Variants in BRINP3 observed in about 807,000 individuals in gnomAD.
The protein encoded by BRINP3 is BMP/retinoic acid inducible neural specific 3, also known as BMP/retinoic acid-inducible neural-specific protein 3.
In BRINP3, 19 loss-of-function variants were observed where a neutral mutation model predicts 71.0. That is an observed-to-expected ratio of 0.27 (90% CI 0.19 to 0.39). The LOEUF is 0.39. BRINP3 is among the 10% of genes least tolerant of loss of function. The pLI is 1.00. For synonymous variants in BRINP3, 380 were observed against 337.7 expected (o/e 1.13, Z -1.37); for missense variants, 959 against 940.8 (o/e 1.02, Z -0.25).
At chr1:190,161,880 A>G (rs1250892045) in intron 6 of BRINP3, among the ~76,000 whole-genome samples, 1 of 152,186 alleles carries the variant, frequency 6.6e-6, no homozygotes, top group Non-Finnish European at 1.5e-5. Flanking sequence ...GAAATAAACC[A>G]GACACAAAAG....
chr1:190,472,881 T>C (rs1677230585), intron 1 of BRINP3, among the ~76,000 whole-genome samples: 1 of 151,516 alleles, frequency 6.6e-6, no homozygotes, highest in Non-Finnish European at 1.5e-5. Context: ...TTTATTTACT[T>C]AATTATAATG....
At chr1:190,289,516 A>C (rs553842195) in intron 2 of BRINP3, among the ~76,000 whole-genome samples, 6 of 152,026 alleles carry the variant, frequency 3.9e-5, no homozygotes, top group South Asian at 2.1e-4. Flanking sequence ...ACAAGGTATA[A>C]ATTTTTTATT....
intron 2 of BRINP3, among the ~76,000 whole-genome samples, chr1:190,428,917 G>C (rs1432520129): frequency 1.3e-5 from 2 of 152,030 alleles, no homozygotes; most frequent in Non-Finnish European, 2.9e-5. Context: ...ATACATGTTT[G>C]TTAAAATCAA....
In BRINP3 at chr1:190,372,686, C is replaced by T. The variant is rs200165681; in HGVS notation, c.236+81969G>A. Among the ~76,000 whole-genome samples, 5 of 152,134 alleles carry T rather than the reference C, an allele frequency of 3.3e-5. No homozygotes were observed. In the East Asian group the frequency reaches 9.6e-4, roughly 29 times the overall value. ...TACCATATTACCTTGTCATAATTCC[C>T]CTCTCTTCTAATCGTTTCTAAGGCA... On this transcript the variant is annotated intron_variant, in intron 2 of 7. Transcript: ENST00000367462.
At position 190,097,930 on chromosome 1, in the gene BRINP3, T is replaced by C. The variant is rs1226523854; in HGVS notation, c.*88A>G. ...TATAAGACAGATATTGAAAAGACAA[T>C]TTAAATTTACTCTTCCAAACATAAA... is the stretch of plus-strand genomic sequence containing the variant. On this transcript the variant is annotated 3_prime_UTR_variant, in exon 8 of 8. Coordinates refer to ENST00000367462, the MANE Select transcript of BRINP3 (RefSeq NM_199051.3). The C allele has an allele frequency of 2.2e-6, 3 of 1,383,714 alleles. No homozygotes were observed. The highest frequency in any genetic ancestry group is 2.9e-6 in the Non-Finnish European group (3 of 1,021,830). 85.7% of individuals were successfully genotyped at this position (1,383,714 alleles called of 1,614,324 possible).
chr1:190,398,076 CAT>C (rs951434774), intron 2 of BRINP3, among the ~76,000 whole-genome samples: 2 of 151,880 alleles, frequency 1.3e-5, no homozygotes, highest in African/African-American at 2.4e-5. Flanking sequence ...TTAAAAATAA[CAT>C]ATAAAAGCAC....
In BRINP3 at chr1:190,454,725, G is replaced by C. The variant is rs1354388065; in HGVS notation, c.166C>G (p.Arg56Gly). Reference sequence around the variant, plus strand: ...ACAAAATCTGTGTATTCCTGTGAGCGATGGAAGGGTCCCTTATCAGAGAGG... The same window carrying C: ...ACAAAATCTGTGTATTCCTGTGAGCCATGGAAGGGTCCCTTATCAGAGAGG... ...WLLSDKGPFH[R>G]SQEYTDFVDR... The change falls in exon 2 of 8, where the codon CGC becomes GGC. Residue 56 changes from arginine (R) to glycine (G), a missense_variant. Arg to Gly is a moderately radical substitution (Grantham distance 125). Coordinates refer to ENST00000367462, the MANE Select transcript of BRINP3 (RefSeq NM_199051.3). 1 of 1,614,132 alleles carries C rather than the reference G, an allele frequency of 6.2e-7. No homozygotes were observed. Among genetic ancestry groups the C allele is most frequent in the Non-Finnish European group, 8.5e-7 (1 of 1,180,042 alleles).
At chr1:190,100,176 T>C (rs540361727) in intron 7 of BRINP3, among the ~76,000 whole-genome samples, 31 of 152,320 alleles carry the variant, frequency 2.0e-4, no homozygotes, top group African/African-American at 7.0e-4. Context: ...CTTAGAATAT[T>C]GCAAAGTGTC....
chr1:190,183,020 T>C (rs1653164131), intron 6 of BRINP3, among the ~76,000 whole-genome samples: 1 of 152,094 alleles, frequency 6.6e-6, no homozygotes. Flanking sequence ...CTCCTTAAGT[T>C]GCAGTTGGTG....
intron 4 of BRINP3, among the ~76,000 whole-genome samples, chr1:190,237,205 T>A (rs1658608296): frequency 6.6e-6 from 1 of 151,820 alleles, no homozygotes; most frequent in Non-Finnish European, 1.5e-5. Context: ...TATAATTTTA[T>A]TTTGTTCTCT....
chr1:190,150,402 G>A (rs1324234198), intron 7 of BRINP3, among the ~76,000 whole-genome samples: 1 of 152,088 alleles, frequency 6.6e-6, no homozygotes, highest in Admixed American at 6.6e-5. Flanking sequence ...ACATAGTATT[G>A]AGATTAGAGA....
chr1:190,224,725 C>T (rs1657185112), intron 6 of BRINP3, among the ~76,000 whole-genome samples: 1 of 151,756 alleles, frequency 6.6e-6, no homozygotes, highest in Non-Finnish European at 1.5e-5. Flanking sequence ...ATTTACAAAC[C>T]ATTCATCTGT....
chr1:190,191,344 G>A (rs1359719092), intron 6 of BRINP3, among the ~76,000 whole-genome samples: 1 of 151,942 alleles, frequency 6.6e-6, no homozygotes, highest in Non-Finnish European at 1.5e-5. Context: ...TTGTTACACA[G>A]GTATACGTGT....
At chr1:190,319,177 C>CATTTAG (rs1470985113) in intron 2 of BRINP3, among the ~76,000 whole-genome samples, 1 of 152,106 alleles carries the variant, frequency 6.6e-6, no homozygotes, top group Non-Finnish European at 1.5e-5. Context: ...CATCTAAATC[C>CATTTAG]ATCCTTTAGG....
chr1:190,176,093 T>A (rs560817098), intron 6 of BRINP3, among the ~76,000 whole-genome samples: 8 of 152,310 alleles, frequency 5.3e-5, no homozygotes, highest in African/African-American at 1.9e-4. Flanking sequence ...TTGCACCATA[T>A]AACAACAAGA....
At chr1:190,207,906 T>C (rs1655651400) in intron 6 of BRINP3, among the ~76,000 whole-genome samples, 1 of 152,084 alleles carries the variant, frequency 6.6e-6, no homozygotes, top group Admixed American at 6.6e-5. Flanking sequence ...AGGCATCTTG[T>C]ATAGAGTTGA....
chr1:190,460,557 A>G (rs1033210075), intron 1 of BRINP3, among the ~76,000 whole-genome samples: 1 of 152,166 alleles, frequency 6.6e-6, no homozygotes, highest in Non-Finnish European at 1.5e-5. Flanking sequence ...TTATTGATCA[A>G]TTGCAATGTG....
In BRINP3 at chr1:190,098,519, C is replaced by G. The variant is rs748428893; in HGVS notation, c.1800G>C (p.Lys600Asn). 4 of 1,614,158 alleles carry G rather than the reference C, an allele frequency of 2.5e-6. No individual in the cohort carries two copies. Among genetic ancestry groups the G allele is most frequent in the Non-Finnish European group, 3.4e-6 (4 of 1,180,026 alleles). ...ENSFPDWERTKLDLPLQCYNW... is the reference protein window; with the variant it reads ...ENSFPDWERTNLDLPLQCYNW... Reference sequence around the variant, plus strand: ...TATAACACTGCAGGGGTAGGTCCAACTTAGTCCGCTCCCAGTCTGGAAAGC... The same window carrying G: ...TATAACACTGCAGGGGTAGGTCCAAGTTAGTCCGCTCCCAGTCTGGAAAGC... The change falls in exon 8 of 8, where the codon AAG (lysine) becomes AAC (asparagine). Residue 600 changes from lysine to asparagine, a missense_variant. Coordinates refer to ENST00000367462, the MANE Select transcript of BRINP3 (RefSeq NM_199051.3).
intron 7 of BRINP3, among the ~76,000 whole-genome samples, chr1:190,122,653 AC>A (rs1170365112): frequency 6.6e-6 from 1 of 152,108 alleles, no homozygotes; most frequent in Admixed American, 6.6e-5. Context: ...TGGGTGCAGT[AC>A]ACCAACATGG....
Sources: gnomAD v4.1 joint callset for allele counts (sites outside exome capture counted in the v4.1 genomes callset) on GRCh38, gnomAD v4.1.1 for gene constraint, MANE v1.5 for transcripts, NCBI Gene and HGNC (gene_info 2026-07-23, HGNC 2026-07-21) for gene names.